Variants in BEND3 observed in about 807,000 individuals in gnomAD.
BEND3 encodes the protein BEN domain-containing protein 3.
A neutral mutation model predicts 60.1 loss-of-function variants in BEND3; 13 were observed. The ratio of observed to expected loss-of-function variants is 0.22; its 90% CI spans 0.14 to 0.34. BEND3 has a LOEUF of 0.34. Ranked by LOEUF, BEND3 falls within the 10% of genes least tolerant of loss-of-function variation. The probability of loss-of-function intolerance (pLI) is 1.00; values close to 1 mark genes in which losing one functional copy is unlikely to be tolerated. For missense variants in BEND3, 896 were observed against 1,138.1 expected (o/e 0.79, Z 3.06); for synonymous variants, 497 against 491.5 (o/e 1.01, Z -0.15).
intron 3 of BEND3, among the ~76,000 whole-genome samples, chr6:107,081,622 T>C (rs1312278648): frequency 6.6e-6 from 1 of 152,160 alleles, no homozygotes; most frequent in East Asian, 1.9e-4. Context: ...CACGTGACCA[T>C]TTTTGTATAT....
Position 107,068,970 on chromosome 6 carries a change from CG to C in BEND3, c.2220del (p.Ala741ProfsTer92). ...GGAAACAGGCGGACGAGGAGCCGGG[CG>C]GCAAAGTTGCCCACGGAGAGGCTCT... ...VQQSLSVGNF[A>X]ARLLVRLFPE... On this transcript the variant is annotated frameshift_variant, in exon 4 of 4. Coordinates refer to ENST00000369042, the MANE Select transcript of BEND3 (RefSeq NM_001367314.1). LOFTEE classifies it high-confidence loss of function. This position sits in a 1 kb window ranked among gnomAD's most constrained non-coding sequence, Gnocchi z 5.8. The C allele has an allele frequency of 6.2e-7, 1 of 1,613,832 alleles. No homozygotes were observed. Among genetic ancestry groups the C allele is most frequent in the Non-Finnish European group, 8.5e-7 (1 of 1,180,020 alleles).
Position 107,094,072 on chromosome 6 carries a change from CAATTT to C in BEND3, c.240+4474_240+4478del, listed in dbSNP as rs138886058. On this transcript the variant is annotated intron_variant, in intron 3 of 3. Coordinates refer to ENST00000369042, the MANE Select transcript of BEND3 (RefSeq NM_001367314.1). ...AAAATTCAACAATAAAAACAAAACC[CAATTT>C]TAAAATGGGCCAGCCAGGTGTGGTG... Among the ~76,000 whole-genome samples the C allele has an allele frequency of 2.8e-4, 42 of 152,254 alleles. 1 individual carries two copies. The East Asian group carries it at 7.9e-3, about 29-fold the overall frequency.
chr6:107,080,357 A>C (rs1554233353), intron 3 of BEND3, among the ~76,000 whole-genome samples: 1 of 119,620 alleles, frequency 8.4e-6, no homozygotes, highest in Non-Finnish European at 1.8e-5. Context: ...CCCATCTCAA[A>C]AAAAAAAAAA....
At chr6:107,115,042 C>G (rs1242906178) in intron 1 of BEND3, 48 bp downstream of exon 1, 1 of 148,240 alleles carries the variant, frequency 6.7e-6, no homozygotes, top group Non-Finnish European at 1.5e-5. Flanking sequence ...CCCGGAGCCG[C>G]CAACGCTGCC....
chr6:107,071,747 CAAAAT>C (rs149804720), intron 3 of BEND3, among the ~76,000 whole-genome samples: 9,491 of 152,202 alleles, frequency 0.062, 333 homozygotes, highest in Middle Eastern at 0.088. Context: ...TGATAAATCT[CAAAAT>C]AAATAACAAA....
chr6:107,113,598 G>A (rs1412240759), intron 1 of BEND3, among the ~76,000 whole-genome samples: 1 of 152,094 alleles, frequency 6.6e-6, no homozygotes, highest in African/African-American at 2.4e-5. Context: ...CATTCATTTA[G>A]GAAATACGCA....
Position 107,078,169 on chromosome 6 carries a change from A to T in BEND3, c.241-7219T>A, listed in dbSNP as rs190641418. ...GGTTTTTTCTTCTAAGCATTGTACT[A>T]AATGTCACTCATAAAACAAGTTGTC... On this transcript the variant is annotated intron_variant, in intron 3 of 3. Transcript: ENST00000369042. Among the ~76,000 whole-genome samples, 725 of 152,302 alleles carry T rather than the reference A, an allele frequency of 4.8e-3. 4 individuals carry two copies. Among genetic ancestry groups the T allele is most frequent in the African/African-American group, 0.016 (669 of 41,572 alleles).
intron 1 of BEND3, among the ~76,000 whole-genome samples, chr6:107,108,742 C>T (rs1775875886): frequency 6.6e-6 from 1 of 152,126 alleles, no homozygotes; most frequent in South Asian, 2.1e-4. Flanking sequence ...TTTCACTAGT[C>T]AGAAATAACT....
chr6:107,068,535 C>T lies in BEND3; in HGVS notation c.*169G>A, dbSNP rs549009736. The T allele has an allele frequency of 3.9e-4, 283 of 724,522 alleles. No homozygotes were observed. The highest frequency in any genetic ancestry group is 2.6e-4 in the Non-Finnish European group (120 of 454,484). 44.9% of individuals were successfully genotyped at this position (724,522 alleles called of 1,614,324 possible). On this transcript the variant is annotated 3_prime_UTR_variant, in exon 4 of 4. Transcript: ENST00000369042. This position sits in a 1 kb window ranked among gnomAD's most constrained non-coding sequence, Gnocchi z 5.8. ...AAGAGACCAAACTCAAGGCTTCTTT[C>T]TTGCGGTTGGGTGGGTGTTTACGTG...
intron 3 of BEND3, among the ~76,000 whole-genome samples, chr6:107,078,579 CA>C (rs1170422899): frequency 0.2 from 19,314 of 97,438 alleles, 744 homozygotes; most frequent in East Asian, 0.24. Flanking sequence ...CTCAGCCTCC[CA>C]AAGTGCTGGG....
chr6:107,105,086 C>T (rs1318267200), intron 1 of BEND3, among the ~76,000 whole-genome samples: 4 of 151,976 alleles, frequency 2.6e-5, no homozygotes, highest in Admixed American at 2.6e-4. Flanking sequence ...AAAAAGTCCA[C>T]TGTTGGCTGG....
intron 1 of BEND3, among the ~76,000 whole-genome samples, chr6:107,109,717 T>C (rs909643531): frequency 9.2e-5 from 14 of 151,976 alleles, no homozygotes; most frequent in South Asian, 4.2e-4. Context: ...CTACTAAAAA[T>C]ACAAAAATTA....
At chr6:107,095,974 T>C (rs1775577508) in intron 3 of BEND3, among the ~76,000 whole-genome samples, 1 of 152,178 alleles carries the variant, frequency 6.6e-6, no homozygotes, top group Admixed American at 6.5e-5. Flanking sequence ...GTATATACAT[T>C]TGTCCAAACC....
rs377099257 is a variant in BEND3 at position 107,069,218 on chromosome 6, C to A, written c.1973G>T (p.Arg658Leu). 3.1e-6 allele frequency: 5 copies of A among 1,612,212 alleles called. No individual in the cohort carries two copies. The highest frequency in any genetic ancestry group is 4.2e-6 in the Non-Finnish European group (5 of 1,179,808). The change falls in exon 4 of 4, where the codon CGC (arginine) becomes CTC (leucine). Residue 658 changes from arginine (R) to leucine (L), a missense_variant. By Grantham distance (102) the Arg-to-Leu change is moderately radical. Transcript: ENST00000369042. The stretch of plus-strand genomic sequence containing the variant: ...CTCAGGGCCCGGCACGTGGACCTTG[C>A]GCTGCTGCTGGTAGGAGCGCCTTTG... ...TEQRRSYQQQ[R>L]KVHVPGPECR...
intron 3 of BEND3, among the ~76,000 whole-genome samples, chr6:107,073,193 A>G (rs1371934780): frequency 7.2e-4 from 25 of 34,564 alleles, no homozygotes; most frequent in African/African-American, 2.6e-3. Context: ...CAGGGTTTGT[A>G]TGTGTATGTA....
intron 3 of BEND3, among the ~76,000 whole-genome samples, chr6:107,084,982 T>A (rs1582652737): frequency 6.6e-6 from 1 of 152,330 alleles, no homozygotes; most frequent in South Asian, 2.1e-4. Context: ...TCACAATAAA[T>A]CTTGCTGCTC....
intron 1 of BEND3, among the ~76,000 whole-genome samples, chr6:107,110,127 A>G (rs1211774150): frequency 6.6e-6 from 1 of 152,094 alleles, no homozygotes; most frequent in Non-Finnish European, 1.5e-5. Context: ...TGAGCCTAGG[A>G]GTTCAAGATC....
chr6:107,102,386 A>G (rs782774947), intron 1 of BEND3, among the ~76,000 whole-genome samples: 2 of 152,058 alleles, frequency 1.3e-5, no homozygotes, highest in Non-Finnish European at 1.5e-5. Context: ...CCACCATGTG[A>G]CCCTACAGCA....
At position 107,070,250 on chromosome 6, in the gene BEND3, T is replaced by C. The variant is rs377023415; in HGVS notation, c.941A>G (p.Tyr314Cys). The C allele has an allele frequency of 5.0e-6, 8 of 1,612,930 alleles. No homozygotes were observed. Among genetic ancestry groups the C allele is most frequent in the South Asian group, 3.3e-5 (3 of 91,078 alleles). The change falls in exon 4 of 4, where the codon TAC becomes TGC. Residue 314 changes from tyrosine to cysteine, a missense_variant. Tyr to Cys is a radical substitution (Grantham distance 194). Coordinates refer to ENST00000369042, the MANE Select transcript of BEND3 (RefSeq NM_001367314.1). The surrounding 1 kb of genome is among the most constrained non-coding windows in gnomAD (Gnocchi z 6.9). The part of the protein sequence containing the change: ...LQLIRNYVEV[Y>C]YPSVKDTAVW... ...AGCCGTGTCCTTCACCGAGGGGTAG[T>C]AGACCTCCACATAGTTGCGGATGAG...
Sources: allele counts gnomAD v4.1 joint callset (sites outside exome capture counted in the v4.1 genomes callset), GRCh38; gene constraint gnomAD v4.1.1; non-coding constraint Gnocchi (gnomAD v3.1); transcripts MANE v1.5; gene names NCBI Gene and HGNC (gene_info 2026-07-23, HGNC 2026-07-21).